The following SLC4A10 variants were observed in gnomAD, a reference collection of about 807,000 sequenced individuals.
SLC4A10 encodes solute carrier family 4 member 10.
A neutral mutation model predicts 137.7 loss-of-function variants in SLC4A10; 42 were observed. The ratio of observed to expected loss-of-function variants is 0.30; its 90% CI spans 0.24 to 0.39. The LOEUF is 0.39. Among genes scored for constraint, SLC4A10 ranks in the 10% least tolerant of loss-of-function variants. SLC4A10 has a pLI of 1.00. For synonymous variants in SLC4A10, 474 were observed against 464.1 expected, an observed-to-expected ratio of 1.02 and a Z score of -0.27; for missense variants, 925 against 1,355.0, an observed-to-expected ratio of 0.68 and a Z score of 4.98.
intron 3 of SLC4A10, among the ~76,000 whole-genome samples, chr2:161,809,275 G>A (rs539021561): frequency 6.6e-6 from 1 of 151,882 alleles, no homozygotes; most frequent in Non-Finnish European, 1.5e-5. Context: ...TGGATTCGGG[G>A]TATCAGACAT....
chr2:161,753,891 T>C (rs889768153), intron 1 of SLC4A10, among the ~76,000 whole-genome samples: 3 of 150,006 alleles, frequency 2.0e-5, no homozygotes, highest in South Asian at 2.1e-4. Context: ...TATTTATTTA[T>C]TTATTTATTT....
At chr2:161,854,425 T>A (rs2059990511) in intron 4 of SLC4A10, among the ~76,000 whole-genome samples, 1 of 152,118 alleles carries the variant, frequency 6.6e-6, no homozygotes, top group African/African-American at 2.4e-5. Context: ...TTCTCACATA[T>A]TCAGTCCCTA....
intron 15 of SLC4A10, among the ~76,000 whole-genome samples, chr2:161,926,548 G>A (rs1463882243): frequency 6.7e-6 from 1 of 149,762 alleles, no homozygotes; most frequent in African/African-American, 2.4e-5. Context: ...AGAGCATTCA[G>A]CCCATTTACC....
At chr2:161,943,004 A>AT (rs1693013530) in intron 16 of SLC4A10, 107 bp downstream of exon 16, 1 of 724,592 alleles carries the variant, frequency 1.4e-6, no homozygotes, top group African/African-American at 1.8e-5. Context: ...ATATAAAACT[A>AT]ATAGTTGTGT....
At chr2:161,963,732 G>A (rs1482100983) in intron 21 of SLC4A10, among the ~76,000 whole-genome samples, 1 of 152,162 alleles carries the variant, frequency 6.6e-6, no homozygotes, top group South Asian at 2.1e-4. Flanking sequence ...TATTCCAGGA[G>A]AAAAGAAAAC....
At chr2:161,793,423 C>G (rs2054420388) in intron 2 of SLC4A10, among the ~76,000 whole-genome samples, 1 of 151,892 alleles carries the variant, frequency 6.6e-6, no homozygotes, top group Non-Finnish European at 1.5e-5. Flanking sequence ...TATCCTTTGA[C>G]TAGCCCCTTC....
intron 2 of SLC4A10, among the ~76,000 whole-genome samples, chr2:161,782,715 G>C (rs1341994437): frequency 6.8e-6 from 1 of 146,922 alleles, no homozygotes; most frequent in Non-Finnish European, 1.5e-5. Context: ...AAATTCACTA[G>C]AGGGATTCAA....
chr2:161,886,861 A>G (rs988299465), intron 10 of SLC4A10, among the ~76,000 whole-genome samples: 3 of 152,064 alleles, frequency 2.0e-5, no homozygotes, highest in African/African-American at 7.3e-5. Context: ...TTACATAGGT[A>G]TACACATGCC....
At chr2:161,740,345 T>G (rs890307308) in intron 1 of SLC4A10, among the ~76,000 whole-genome samples, 1 of 152,172 alleles carries the variant, frequency 6.6e-6, no homozygotes, top group Non-Finnish European at 1.5e-5. Context: ...CTTGTATCAC[T>G]TCCTTGCATT....
In SLC4A10 at chr2:161,864,375, G is replaced by A. The variant is rs145066418; in HGVS notation, c.766+1313G>A. ...GCTTCAGAGATGCCTTAAATAAAAT[G>A]TATGAAAATTAGTTTTCTTCAGATT... On this transcript the variant is annotated intron_variant, in intron 6 of 26. Coordinates refer to ENST00000446997, the MANE Select transcript of SLC4A10 (RefSeq NM_001178015.2). Among the ~76,000 whole-genome samples the A allele has an allele frequency of 8.2e-3, 1,245 of 152,232 alleles. 17 individuals carry two copies. The highest frequency in any genetic ancestry group is 9.1e-3 in the Non-Finnish European group (616 of 68,008).
At chr2:161,629,266 A>T (rs2033070890) in intron 1 of SLC4A10, among the ~76,000 whole-genome samples, 1 of 151,538 alleles carries the variant, frequency 6.6e-6, no homozygotes, top group Non-Finnish European at 1.5e-5. Flanking sequence ...TTTAGATTGA[A>T]GTTTTAATAT....
At chr2:161,758,919 C>A (rs1217112157) in intron 1 of SLC4A10, among the ~76,000 whole-genome samples, 2 of 151,680 alleles carry the variant, frequency 1.3e-5, no homozygotes, top group African/African-American at 4.8e-5. Context: ...AAAATATGAC[C>A]CTTACTTTCA....
intron 1 of SLC4A10, among the ~76,000 whole-genome samples, chr2:161,731,342 T>C (rs1284906638): frequency 6.6e-6 from 1 of 152,150 alleles, no homozygotes. Flanking sequence ...GCTGCTAAAG[T>C]CATGTTTAGA....
At chr2:161,662,463 C>G (rs1367898337) in intron 1 of SLC4A10, among the ~76,000 whole-genome samples, 2 of 152,108 alleles carry the variant, frequency 1.3e-5, no homozygotes, top group South Asian at 4.2e-4. Context: ...AAATAGGTAG[C>G]CTGTATTACA....
intron 15 of SLC4A10, among the ~76,000 whole-genome samples, chr2:161,926,078 C>T (rs1689017386): frequency 6.6e-6 from 1 of 151,990 alleles, no homozygotes; most frequent in South Asian, 2.1e-4. Flanking sequence ...CCGCTTGGTG[C>T]AGAGCTGAGT....
intron 15 of SLC4A10, among the ~76,000 whole-genome samples, chr2:161,932,164 C>T (rs1690519419): frequency 6.6e-6 from 1 of 152,088 alleles, no homozygotes; most frequent in African/African-American, 2.4e-5. Flanking sequence ...ATTAAGGGAG[C>T]ATACTACTCC....
chr2:161,955,692 G>A (rs887912589), intron 19 of SLC4A10, among the ~76,000 whole-genome samples: 4 of 152,112 alleles, frequency 2.6e-5, no homozygotes, highest in African/African-American at 9.7e-5. Flanking sequence ...AAATCACAGA[G>A]AAAAGACTAC....
intron 5 of SLC4A10, among the ~76,000 whole-genome samples, chr2:161,857,299 C>T (rs941537771): frequency 2.0e-5 from 3 of 152,114 alleles, no homozygotes; most frequent in African/African-American, 7.2e-5. Flanking sequence ...CGTCTTGATA[C>T]CCTAAATAGC....
chr2:161,672,360 A>T (rs2039824361), intron 1 of SLC4A10, among the ~76,000 whole-genome samples: 1 of 152,192 alleles, frequency 6.6e-6, no homozygotes, highest in Non-Finnish European at 1.5e-5. Flanking sequence ...AAAACAAAAA[A>T]ATTTTAATAA....
Sources: gnomAD v4.1 joint callset for allele counts (sites outside exome capture counted in the v4.1 genomes callset) on GRCh38, gnomAD v4.1.1 for gene constraint, MANE v1.5 for transcripts, NCBI Gene and HGNC (gene_info 2026-07-23, HGNC 2026-07-21) for gene names.